The following MYCBPAP variants were observed in gnomAD, a reference collection of about 807,000 sequenced individuals.
MYCBPAP encodes the protein MYCBP-associated protein.
In MYCBPAP, 60 loss-of-function variants were observed where a neutral mutation model predicts 106.1. The observed-to-expected ratio is 0.57, with a 90% CI of 0.46 to 0.70. MYCBPAP has a LOEUF of 0.70. Among genes scored for constraint, MYCBPAP ranks in the 30% least tolerant of loss-of-function variants. The pLI, the probability that MYCBPAP is intolerant of heterozygous loss-of-function variation, is 0.00. For synonymous variants in MYCBPAP, 407 were observed against 440.6 expected (o/e 0.92, Z 0.95); for missense variants, 1,064 against 1,169.3 (o/e 0.91, Z 1.31).
In MYCBPAP at chr17:50,521,110, G is replaced by T; in HGVS notation, c.917G>T (p.Gly306Val). ...TGAGGGTCCTTGGACCTCATGCTAGGATTACCAGCCCAGAGGGACGCTTCA... is the reference window on the plus strand; with the variant it reads ...TGAGGGTCCTTGGACCTCATGCTAGTATTACCAGCCCAGAGGGACGCTTCA... The part of the protein sequence containing the change: ...RKPHSIRVET[G>V]LPAQRDASYR... Residue 306 changes from glycine (G) to valine (V), a missense_variant and splice_region_variant, in exon 8 of 19, where the codon GGA (glycine) becomes GTA (valine). Physicochemically the swap from Gly to Val is moderately radical, Grantham distance 109. Coordinates refer to ENST00000323776, the MANE Select transcript of MYCBPAP (RefSeq NM_032133.6). 6.2e-7 allele frequency: 1 copy of T among 1,611,114 alleles called. No homozygotes were observed.
intron 13 of MYCBPAP, 58 bp downstream of exon 13, chr17:50,525,081 A>G: frequency 1.9e-6 from 3 of 1,561,860 alleles, no homozygotes; most frequent in South Asian, 1.2e-5. Flanking sequence ...AGGGTCCCCA[A>G]CCCGCAGGCC....
intron 7 of MYCBPAP, chr17:50,520,179 T>C: frequency 6.2e-6 from 1 of 162,248 alleles, no homozygotes; most frequent in Non-Finnish European, 1.4e-5. Flanking sequence ...AAAATGACAA[T>C]ATTTTTGATA....
At chr17:50,519,569 T>C in intron 6 of MYCBPAP, 71 bp from the exon 7 acceptor site, 2 of 1,570,716 alleles carry the variant, frequency 1.3e-6, no homozygotes, top group Non-Finnish European at 1.7e-6. Context: ...GGTGCTCTTG[T>C]CTTCCCACAT....
chr17:50,523,537 T>C (rs958129234), intron 11 of MYCBPAP, 60 bp from the exon 12 acceptor site: 220 of 1,551,720 alleles, frequency 1.4e-4, no homozygotes, highest in Non-Finnish European at 1.5e-5. Context: ...TAGGAGCATG[T>C]AGGCCTGGGG....
upstream of MYCBPAP, chr17:50,508,385 G>T (rs1156485286): frequency 4.9e-5 from 29 of 586,514 alleles, no homozygotes; most frequent in Admixed American, 1.2e-3. Flanking sequence ...CCGCCCGGCT[G>T]GTGACGTCAC....
At chr17:50,519,452 C>G in intron 6 of MYCBPAP, 188 bp from the exon 7 acceptor site, 1 of 686,542 alleles carries the variant, frequency 1.5e-6, no homozygotes, top group African/African-American at 1.8e-5. Flanking sequence ...TGGCTGGGGG[C>G]AGGTAAAGAT....
At chr17:50,531,151 A>C (rs1312677140) in intron 18 of MYCBPAP, among the ~76,000 whole-genome samples, 176 bp from the exon 19 acceptor site, 2 of 149,932 alleles carry the variant, frequency 1.3e-5, no homozygotes, top group Non-Finnish European at 3.0e-5. Flanking sequence ...GATCCTGTCA[A>C]AAAAAAAAAA....
rs532667727 is a variant in MYCBPAP at position 50,530,076 on chromosome 17, T to C, written c.2724+888T>C. The C allele has an allele frequency of 1.5e-4, 53 of 358,548 alleles. No individual in the cohort carries two copies. In the East Asian group the frequency reaches 2.8e-3, roughly 19 times the overall value. 22.2% of individuals were successfully genotyped at this position (358,548 alleles called of 1,614,324 possible). A position where few individuals can be genotyped will look rare whatever the true frequency, so the allele number is the denominator to read the frequency against. ...ACTCTGGATCTCATTTGATCAAAAG[T>C]TCCATTTGCCACTGGTGACATCACT... On this transcript the variant is annotated intron_variant, in intron 18 of 18. Coordinates refer to ENST00000323776, the MANE Select transcript of MYCBPAP (RefSeq NM_032133.6).
chr17:50,523,208 A>ATGGCCCAGCTCCTGTAAGTT (rs1350541765), intron 11 of MYCBPAP, 80 bp downstream of exon 11: 1 of 1,408,916 alleles, frequency 7.1e-7, no homozygotes, highest in East Asian at 2.3e-5. Flanking sequence ...AAGTTTAGTT[A>ATGGCCCAGCTCCTGTAAGTT]TGGCCCAGCT....
chr17:50,508,448 T>C lies in MYCBPAP; in HGVS notation c.-227T>C. On this transcript the variant is annotated 5_prime_UTR_variant, in exon 1 of 19. Transcript: ENST00000323776. ...CACAGGCCGGGCCCGCAGGGCTTTC[T>C]AGGGGTCCGTCGCTCTTGAAGCCGC... The C allele has an allele frequency of 6.6e-6, 8 of 1,216,922 alleles. No individual in the cohort carries two copies. Among genetic ancestry groups the C allele is most frequent in the Non-Finnish European group, 9.1e-6 (8 of 882,718 alleles). The allele number at this position is 1,216,922 out of a possible 1,614,324, so 75.4% of individuals were successfully genotyped here. A position where few individuals can be genotyped will look rare whatever the true frequency, so the allele number is the denominator to read the frequency against.
chr17:50,512,600 A>T (rs1390417849), intron 1 of MYCBPAP, among the ~76,000 whole-genome samples: 3 of 152,088 alleles, frequency 2.0e-5, no homozygotes, highest in Non-Finnish European at 4.4e-5. Context: ...TGTCTAACCA[A>T]ACCTATTGCC....
rs2033694750 is a variant in MYCBPAP, at chr17:50,508,483, G to T, written c.-192G>T. 1.1e-5 allele frequency: 16 copies of T among 1,473,026 alleles called. No homozygotes were observed. Among genetic ancestry groups the T allele is most frequent in the African/African-American group, 1.5e-5 (1 of 68,876 alleles). 91.2% of individuals were successfully genotyped at this position (1,473,026 alleles called of 1,614,324 possible). A position where few individuals can be genotyped will look rare whatever the true frequency, so the allele number is the denominator to read the frequency against. ...TCGCTCTTGAAGCCGCCGGCGGCGG[G>T]CGCGTGCGCGGCCCGATGAAGAAGG... On this transcript the variant is annotated 5_prime_UTR_variant, in exon 1 of 19. Coordinates refer to ENST00000323776, the MANE Select transcript of MYCBPAP (RefSeq NM_032133.6).
At chr17:50,514,570 C>T (rs138674302) in intron 1 of MYCBPAP, among the ~76,000 whole-genome samples, 1 of 152,300 alleles carries the variant, frequency 6.6e-6, no homozygotes, top group Non-Finnish European at 1.5e-5. Context: ...TGACCTGTGA[C>T]CCCCTTCTGC....
chr17:50,508,484 C>T lies in MYCBPAP; in HGVS notation c.-191C>T. On this transcript the variant is annotated 5_prime_UTR_variant, in exon 1 of 19. Coordinates refer to ENST00000323776, the MANE Select transcript of MYCBPAP (RefSeq NM_032133.6). ...CGCTCTTGAAGCCGCCGGCGGCGGG[C>T]GCGTGCGCGGCCCGATGAAGAAGGA... The T allele has an allele frequency of 1.4e-6, 2 of 1,470,112 alleles. No individual in the cohort carries two copies. Among genetic ancestry groups the T allele is most frequent in the Non-Finnish European group, 1.8e-6 (2 of 1,100,458 alleles). The allele number at this position is 1,470,112 out of a possible 1,614,324, so 91.1% of individuals were successfully genotyped here.
intron 15 of MYCBPAP, 139 bp from the exon 16 acceptor site, chr17:50,528,015 AG>A: frequency 2.8e-6 from 2 of 708,740 alleles, no homozygotes; most frequent in Non-Finnish European, 4.9e-6. Flanking sequence ...GGGAACAGTG[AG>A]GATGCTGGCT....
At chr17:50,509,430 G>A (rs1036076616) in intron 1 of MYCBPAP, 7 of 381,444 alleles carry the variant, frequency 1.8e-5, no homozygotes, top group Admixed American at 7.4e-5. Context: ...GTCTGATAGC[G>A]GACTGACTTC....
At chr17:50,523,566 G>A in intron 11 of MYCBPAP, 31 bp from the exon 12 acceptor site, 1 of 1,612,064 alleles carries the variant, frequency 6.2e-7, no homozygotes, top group African/African-American at 1.3e-5. Context: ...GCTCCTGCAT[G>A]TTGAAAACCT....
chr17:50,514,808 C>A, intron 1 of MYCBPAP: 1 of 352,486 alleles, frequency 2.8e-6, no homozygotes, highest in East Asian at 9.3e-5. Context: ...CAGGCATGTA[C>A]TACCATGCCT....
At position 50,522,064 on chromosome 17, in the gene MYCBPAP, A is replaced by G; in HGVS notation, c.1240A>G (p.Ser414Gly). 2 of 1,613,864 alleles carry G rather than the reference A, an allele frequency of 1.2e-6. No homozygotes were observed. The highest frequency in any genetic ancestry group is 1.7e-6 in the Non-Finnish European group (2 of 1,179,824). ...GAAGCCAGCTTGCTGGATCAGAGGCAGTAATCCACAGGACAAGGTAAAACA... is the reference window on the plus strand; with the variant it reads ...GAAGCCAGCTTGCTGGATCAGAGGCGGTAATCCACAGGACAAGGTAAAACA... The part of the protein sequence containing the change: ...CGKPACWIRG[S>G]NPQDKRQVGI... The change falls in exon 10 of 19, where the codon AGT becomes GGT. Residue 414 changes from serine (S) to glycine (G), a missense_variant. Coordinates refer to ENST00000323776, the MANE Select transcript of MYCBPAP (RefSeq NM_032133.6).
Sources: allele counts gnomAD v4.1 joint callset (sites outside exome capture counted in the v4.1 genomes callset), GRCh38; gene constraint gnomAD v4.1.1; transcripts MANE v1.5; gene names NCBI Gene and HGNC (gene_info 2026-07-23, HGNC 2026-07-21).